The following CCDC7 variants were observed in gnomAD, a reference collection of about 807,000 sequenced individuals.
CCDC7 encodes coiled-coil domain containing 7.
A neutral mutation model predicts 196.9 loss-of-function variants in CCDC7; 183 were observed. The ratio of observed to expected loss-of-function variants is 0.93; its 90% CI spans 0.82 to 1.05. CCDC7 has a LOEUF of 1.05. Among genes scored for constraint, CCDC7 ranks in the 50% least tolerant of loss-of-function variants. The pLI is 0.00. For synonymous variants in CCDC7, 525 were observed against 484.6 expected (o/e 1.08, Z -1.10); for missense variants, 1,540 against 1,482.2 (o/e 1.04, Z -0.64).
rs138880665 is a variant in CCDC7 at position 32,639,777 on chromosome 10, C to T, written c.2014+4619C>T. Among the ~76,000 whole-genome samples the T allele has an allele frequency of 6.0e-3, 914 of 152,060 alleles. 10 individuals carry two copies. Among genetic ancestry groups the T allele is most frequent in the African/African-American group, 0.021 (868 of 41,482 alleles). ...CCGAGTAGCTGGGACTACAGGTGCC[C>T]GCCAGCACTGCCGGCTAATTTTTTG... On this transcript the variant is annotated intron_variant, in intron 20 of 41. Transcript: ENST00000639629.
chr10:32,545,995 G>A (rs1177209829), intron 13 of CCDC7, among the ~76,000 whole-genome samples: 2 of 151,198 alleles, frequency 1.3e-5, no homozygotes, highest in African/African-American at 4.9e-5. Flanking sequence ...CAGAAGAATA[G>A]AGAAGGAGAG....
intron 11 of CCDC7, among the ~76,000 whole-genome samples, chr10:32,541,654 A>C (rs1301196924): frequency 1.3e-5 from 2 of 152,238 alleles, no homozygotes; most frequent in African/African-American, 4.8e-5. Context: ...TGTGGTCTTT[A>C]CTGAGGCAGT....
chr10:32,545,253 A>G (rs2052227138), intron 13 of CCDC7, among the ~76,000 whole-genome samples: 1 of 152,204 alleles, frequency 6.6e-6, no homozygotes, highest in African/African-American at 2.4e-5. Flanking sequence ...ATGTAACCTA[A>G]AAGGGAGCTA....
At chr10:32,832,401 G>A (rs1201546036) in intron 32 of CCDC7, among the ~76,000 whole-genome samples, 3 of 152,064 alleles carry the variant, frequency 2.0e-5, no homozygotes, top group East Asian at 1.9e-4. Context: ...TACTCATGAG[G>A]CTGAGGCAGG....
chr10:32,523,828 A>G (rs1182587938), intron 11 of CCDC7, among the ~76,000 whole-genome samples: 1 of 151,624 alleles, frequency 6.6e-6, no homozygotes, highest in African/African-American at 2.4e-5. Context: ...CTGGCATGGA[A>G]TATCTTTTTC....
intron 18 of CCDC7, among the ~76,000 whole-genome samples, chr10:32,627,469 A>C (rs1393720408): frequency 6.6e-6 from 1 of 151,840 alleles, no homozygotes; most frequent in African/African-American, 2.4e-5. Flanking sequence ...TGATAATTTT[A>C]TTTCTTTCTG....
At chr10:32,609,669 G>GCCCA (rs2061891690) in intron 18 of CCDC7, among the ~76,000 whole-genome samples, 1 of 152,118 alleles carries the variant, frequency 6.6e-6, no homozygotes, top group Non-Finnish European at 1.5e-5. Flanking sequence ...TTGGAGGTGG[G>GCCCA]GCATGGTGGG....
intron 18 of CCDC7, among the ~76,000 whole-genome samples, chr10:32,602,824 G>A (rs2061198797): frequency 6.6e-6 from 1 of 152,052 alleles, no homozygotes; most frequent in Non-Finnish European, 1.5e-5. Flanking sequence ...GCTTGTAAAT[G>A]TTTTTGATGC....
intron 32 of CCDC7, among the ~76,000 whole-genome samples, 195 bp from the exon 34 acceptor site, chr10:32,834,620 T>G (rs912839482): frequency 3.3e-5 from 5 of 151,772 alleles, no homozygotes; most frequent in African/African-American, 1.2e-4. Flanking sequence ...TTGCTAAGAA[T>G]GCTTCCAATT....
At chr10:32,718,120 T>C (rs1470853891) in intron 25 of CCDC7, among the ~76,000 whole-genome samples, 1 of 152,084 alleles carries the variant, frequency 6.6e-6, no homozygotes, top group Non-Finnish European at 1.5e-5. Context: ...TGAACATCGA[T>C]GCGAAAATTT....
intron 28 of CCDC7, among the ~76,000 whole-genome samples, chr10:32,777,747 C>T (rs1267634169): frequency 1.3e-5 from 2 of 152,038 alleles, no homozygotes; most frequent in Non-Finnish European, 2.9e-5. Context: ...GCCTGTAATC[C>T]CAGCTACTCT....
chr10:32,662,401 G>A (rs2071672025), intron 20 of CCDC7, among the ~76,000 whole-genome samples: 1 of 152,136 alleles, frequency 6.6e-6, no homozygotes, highest in Non-Finnish European at 1.5e-5. Context: ...CTGCAAGAGG[G>A]ATAATTGGTG....
chr10:32,456,639 G>C (rs144617342), intron 3 of CCDC7, among the ~76,000 whole-genome samples: 1 of 152,086 alleles, frequency 6.6e-6, no homozygotes, highest in African/African-American at 2.4e-5. Flanking sequence ...CTCATTAAGA[G>C]CATGTAAGTA....
intron 25 of CCDC7, among the ~76,000 whole-genome samples, chr10:32,719,871 A>T (rs2082147710): frequency 6.6e-6 from 1 of 152,204 alleles, no homozygotes; most frequent in Non-Finnish European, 1.5e-5. Context: ...AGGAAACATC[A>T]GATGCTGGAG....
intron 40 of CCDC7, among the ~76,000 whole-genome samples, chr10:32,854,029 C>T (rs1469187717): frequency 6.6e-6 from 1 of 152,088 alleles, no homozygotes; most frequent in Non-Finnish European, 1.5e-5. Context: ...CAGCCCATGA[C>T]CCTCTCTCTC....
intron 9 of CCDC7, among the ~76,000 whole-genome samples, chr10:32,504,317 C>T (rs149998229): frequency 0.015 from 2,324 of 151,976 alleles, 20 homozygotes; most frequent in Middle Eastern, 0.034. Flanking sequence ...GGGGTTTCAC[C>T]GTGTTAGCCA....
chr10:32,703,515 G>A (rs952626533), intron 24 of CCDC7, among the ~76,000 whole-genome samples: 10 of 151,964 alleles, frequency 6.6e-5, no homozygotes, highest in Non-Finnish European at 1.2e-4. Context: ...TTCTCGAGGA[G>A]TATCTTTGTG....
At position 32,592,005 on chromosome 10, in the gene CCDC7, A is replaced by G. The variant is rs182928930; in HGVS notation, c.1801+7701A>G. 2.8e-4 allele frequency among the ~76,000 whole-genome samples: 42 copies of G among 152,086 alleles called. No homozygotes were observed. In the East Asian group the frequency reaches 7.7e-3, roughly 28 times the overall value. On this transcript the variant is annotated intron_variant, in intron 18 of 41. Transcript: ENST00000639629. ...TAAATTTGGTGCTCATGTGGAGAGG[A>G]CTATTTGTGGAAGCTTCTATTTAGC...
At chr10:32,859,569 A>G (rs990327042) in intron 41 of CCDC7, among the ~76,000 whole-genome samples, 72 of 152,332 alleles carry the variant, frequency 4.7e-4, no homozygotes, top group African/African-American at 1.5e-3. Context: ...AACTAAGATC[A>G]GAGCAGAACT....
Sources: gnomAD v4.1 joint callset for allele counts (sites outside exome capture counted in the v4.1 genomes callset) on GRCh38, gnomAD v4.1.1 for gene constraint, MANE v1.5 for transcripts, NCBI Gene and HGNC (gene_info 2026-07-23, HGNC 2026-07-21) for gene names.